RAD21: variants seen among roughly 807,000 people sequenced by gnomAD.
RAD21 encodes double-strand-break repair protein rad21 homolog.
RAD21 carries 18 observed loss-of-function variants against 71.5 expected under a neutral mutation model. That is an observed-to-expected ratio of 0.25 (90% CI 0.17 to 0.37). The LOEUF (loss-of-function observed/expected upper bound fraction) is 0.37, where lower values mean the gene tolerates loss of function less well. RAD21 is among the 10% of genes least tolerant of loss of function. The pLI is 1.00. For synonymous variants in RAD21, 248 were observed against 254.0 expected, an observed-to-expected ratio of 0.98 and a Z score of 0.22; for missense variants, 493 against 769.1, an observed-to-expected ratio of 0.64 and a Z score of 4.25.
rs16889148 is a variant in RAD21 at position 116,872,065 on chromosome 8, GA to G, written c.-33+2545del. Reference sequence around the variant, plus strand: ...ACCAACCCAGGATCAAAAATTGTTGGAGGGGGGGACAAAAAAACACAATAAT... The same window carrying G: ...ACCAACCCAGGATCAAAAATTGTTGGGGGGGGGACAAAAAAACACAATAAT... On this transcript the variant is annotated intron_variant, in intron 1 of 13. Transcript: ENST00000297338. Among the ~76,000 whole-genome samples the G allele has an allele frequency of 5.9e-3, 901 of 152,248 alleles. 5 individuals are homozygous for G. Among genetic ancestry groups the G allele is most frequent in the Admixed American group, 0.012 (176 of 15,296 alleles).
chr8:116,849,816 A>G (rs1812313047), intron 12 of RAD21, among the ~76,000 whole-genome samples: 1 of 152,234 alleles, frequency 6.6e-6, no homozygotes, highest in South Asian at 2.1e-4. Context: ...AGATATTCAT[A>G]TTAAAGATAA....
Position 116,847,194 on chromosome 8 carries a change from G to T in RAD21, c.*306C>A. The T allele has an allele frequency of 3.5e-6, 1 of 285,412 alleles. No homozygotes were observed. The highest frequency in any genetic ancestry group is 6.5e-6 in the Non-Finnish European group (1 of 153,342). 17.7% of individuals were successfully genotyped at this position (285,412 alleles called of 1,614,324 possible). On this transcript the variant is annotated 3_prime_UTR_variant, in exon 14 of 14. Coordinates refer to ENST00000297338, the MANE Select transcript of RAD21 (RefSeq NM_006265.3). ...AACTAAGATAAAAATCATGACTTTT[G>T]ACTGCCACTCAACATTATTACATGC...
At chr8:116,861,408 A>G (rs1209725025) in intron 4 of RAD21, among the ~76,000 whole-genome samples, 3 of 151,020 alleles carry the variant, frequency 2.0e-5, no homozygotes, top group Non-Finnish European at 4.4e-5. Flanking sequence ...CTCTTCATAA[A>G]AAGTTATCTC....
In RAD21 at chr8:116,852,012, G is replaced by A. The variant is rs1812359545; in HGVS notation, c.1406C>T (p.Pro469Leu). 6.2e-7 allele frequency: 1 copy of A among 1,613,198 alleles called. No individual in the cohort carries two copies. The highest frequency in any genetic ancestry group is 8.5e-7 in the Non-Finnish European group (1 of 1,179,276). ...SRTNIDESAM[P>L]PPPPQGVKRK... is the part of the protein sequence containing the mutation. ...CTTAACTCCCTGAGGTGGTGGTGGAGGCATAGCTGACTCATCTATGTTTGT... is the reference window on the plus strand; with the variant it reads ...CTTAACTCCCTGAGGTGGTGGTGGAAGCATAGCTGACTCATCTATGTTTGT... The change falls in exon 11 of 14, where the codon CCT becomes CTT. Residue 469 changes from proline (P) to leucine (L), a missense_variant. By Grantham distance (98) the Pro-to-Leu change is moderately conservative. Coordinates refer to ENST00000297338, the MANE Select transcript of RAD21 (RefSeq NM_006265.3).
intron 3 of RAD21, among the ~76,000 whole-genome samples, chr8:116,862,526 G>C (rs1012774182): frequency 2.0e-5 from 3 of 151,980 alleles, no homozygotes; most frequent in Admixed American, 6.6e-5. Context: ...TGAAGTACTA[G>C]AATGTATCCT....
At chr8:116,857,015 C>T (rs1812485025) in intron 6 of RAD21, among the ~76,000 whole-genome samples, 2 of 151,924 alleles carry the variant, frequency 1.3e-5, no homozygotes, top group South Asian at 4.1e-4. Context: ...TTACTTAACA[C>T]AGCTATCAAA....
chr8:116,847,669 G>A lies in RAD21; in HGVS notation c.1727C>T (p.Ala576Val), dbSNP rs371687174. The A allele has an allele frequency of 6.2e-7, 1 of 1,613,394 alleles. No individual in the cohort carries two copies. Among genetic ancestry groups the A allele is most frequent in the Non-Finnish European group, 8.5e-7 (1 of 1,179,704 alleles). ...TAACTCAAGCAAACTGATAGATTCA[G>A]CTCCAGTTTTAGCAAGAGCACGCTG... ...GLQRALAKTG[A>V]ESISLLELCR... is the part of the protein sequence containing the mutation. The change falls in exon 14 of 14, where the codon GCT becomes GTT. Residue 576 changes from alanine (A) to valine (V), a missense_variant. Ala to Val is a moderately conservative substitution (Grantham distance 64). Coordinates refer to ENST00000297338, the MANE Select transcript of RAD21 (RefSeq NM_006265.3).
intron 9 of RAD21, 55 bp downstream of exon 9, chr8:116,854,187 CTTT>C: frequency 8.5e-7 from 1 of 1,175,894 alleles, no homozygotes; most frequent in South Asian, 1.6e-5. Context: ...GTTTTAGAAT[CTTT>C]TTTTTTTAGA....
rs1181498445 is a variant in RAD21, at chr8:116,862,027, G to A, written c.275-87C>T. 5 of 997,668 alleles carry A rather than the reference G, an allele frequency of 5.0e-6. No individual in the cohort carries two copies. In the East Asian group the frequency reaches 9.7e-5, roughly 19 times the overall value. 61.8% of individuals were successfully genotyped at this position (997,668 alleles called of 1,614,324 possible). ...GAGATAAGTAGGTATAACTTCCTAA[G>A]TTTATATTCTCATAGAAAGGTTGAT... On this transcript the variant is annotated intron_variant, in intron 3 of 13. Transcript: ENST00000297338.
intron 4 of RAD21, among the ~76,000 whole-genome samples, 161 bp from the exon 5 acceptor site, chr8:116,858,619 A>G (rs1047013655): frequency 2.0e-5 from 3 of 152,226 alleles, no homozygotes; most frequent in African/African-American, 7.2e-5. Context: ...GTACAATCCA[A>G]GAATGTAAGT....
intron 1 of RAD21, among the ~76,000 whole-genome samples, chr8:116,871,398 A>C (rs2130493786): frequency 6.6e-6 from 1 of 152,344 alleles, no homozygotes; most frequent in Non-Finnish European, 1.5e-5. Flanking sequence ...TCTGATGTGA[A>C]ACAGCAGAAA....
chr8:116,869,022 T>TA (rs1812754542), intron 1 of RAD21, among the ~76,000 whole-genome samples: 1 of 151,988 alleles, frequency 6.6e-6, no homozygotes, highest in African/African-American at 2.4e-5. Context: ...ACAAAACTTT[T>TA]AAAAAATGGC....
chr8:116,850,975 C>G, intron 11 of RAD21: 1 of 368,940 alleles, frequency 2.7e-6, no homozygotes, highest in East Asian at 4.0e-5. Context: ...ACAAAAGAAA[C>G]TGACTGCTTA....
intron 11 of RAD21, 192 bp downstream of exon 11, chr8:116,851,756 T>C (rs531065227): frequency 2.1e-6 from 1 of 487,552 alleles, no homozygotes; most frequent in Admixed American, 3.4e-5. Context: ...CAGGAAAGAC[T>C]GCACCGACTC....
chr8:116,857,259 C>A lies in RAD21; in HGVS notation c.688+8G>T. 3.1e-6 allele frequency: 5 copies of A among 1,596,522 alleles called. No homozygotes were observed. The highest frequency in any genetic ancestry group is 4.3e-6 in the Non-Finnish European group (5 of 1,167,276). Reference sequence around the variant, plus strand: ...GTTTATGCTGGAATAACCATCATTCCCACATACCTAATATTCCACCATCAT... The same window carrying A: ...GTTTATGCTGGAATAACCATCATTCACACATACCTAATATTCCACCATCAT... On this transcript the variant is annotated splice_region_variant and intron_variant, in intron 6 of 13. Transcript: ENST00000297338.
intron 2 of RAD21, 53 bp from the exon 3 acceptor site, chr8:116,863,312 A>C: frequency 6.4e-7 from 1 of 1,552,270 alleles, no homozygotes; most frequent in Middle Eastern, 1.7e-4. Flanking sequence ...TGCCATTCAT[A>C]GTCTTCTTTT....
At position 116,856,722 on chromosome 8, in the gene RAD21, A is replaced by G; in HGVS notation, c.738T>C (p.Pro246=). ...ACATCACCCCTGCCTCAGAGAGGGC[A>G]GGGGGATCATCAAAGATACCGCCAT... is the stretch of plus-strand genomic sequence containing the variant. ...NNDGGIFDDP[P]ALSEAGVMLP... Residue 246 remains proline, a synonymous_variant, in exon 7 of 14, where the codon CCT becomes CCC. Transcript: ENST00000297338. 1 of 1,577,126 alleles carries G rather than the reference A, an allele frequency of 6.3e-7. No individual in the cohort carries two copies. The highest frequency in any genetic ancestry group is 8.6e-7 in the Non-Finnish European group (1 of 1,160,356).
At chr8:116,859,498 C>T (rs1481802010) in intron 4 of RAD21, among the ~76,000 whole-genome samples, 1 of 152,112 alleles carries the variant, frequency 6.6e-6, no homozygotes, top group Non-Finnish European at 1.5e-5. Context: ...ACCTAAGCCT[C>T]CCAAAGCACT....
intron 1 of RAD21, chr8:116,874,225 G>C (rs1045527839): frequency 6.6e-6 from 1 of 152,042 alleles, no homozygotes; most frequent in Non-Finnish European, 1.5e-5. Flanking sequence ...AGGCGGCCCG[G>C]TCCCCAGAGC....
Sources: gnomAD v4.1 joint callset for allele counts (sites outside exome capture counted in the v4.1 genomes callset) on GRCh38, gnomAD v4.1.1 for gene constraint, MANE v1.5 for transcripts, NCBI Gene and HGNC (gene_info 2026-07-23, HGNC 2026-07-21) for gene names.